Variants in ATP9A observed in about 807,000 individuals in gnomAD.
ATP9A encodes probable phospholipid-transporting ATPase IIA.
Under a neutral mutation model 144.1 loss-of-function variants are expected in ATP9A, and 52 were observed. That is an observed-to-expected ratio of 0.36 (90% CI 0.29 to 0.45). The LOEUF is 0.45. Among genes scored for constraint, ATP9A ranks in the 20% least tolerant of loss-of-function variants. The probability of loss-of-function intolerance (pLI) is 1.00; values close to 1 mark genes in which losing one functional copy is unlikely to be tolerated. For missense variants in ATP9A, 947 were observed against 1,392.7 expected, an observed-to-expected ratio of 0.68 and a Z score of 5.09; for synonymous variants, 582 against 557.4, an observed-to-expected ratio of 1.04 and a Z score of -0.62.
intron 6 of ATP9A, 61 bp from the exon 7 acceptor site, chr20:51,694,163 G>A (rs1023706580): frequency 1.4e-6 from 2 of 1,401,084 alleles, no homozygotes; most frequent in African/African-American, 2.8e-5. Flanking sequence ...TGGCAGCTCT[G>A]GGCAGCGTCT....
At chr20:51,657,916 C>A (rs553880989) in intron 13 of ATP9A, among the ~76,000 whole-genome samples, 1 of 152,320 alleles carries the variant, frequency 6.6e-6, no homozygotes, top group African/African-American at 2.4e-5. Flanking sequence ...TGACTTTAGA[C>A]CCCAGCTCTT....
intron 1 of ATP9A, among the ~76,000 whole-genome samples, chr20:51,746,957 G>C (rs923860540): frequency 6.3e-4 from 58 of 91,404 alleles, no homozygotes; most frequent in Middle Eastern, 0.011. Flanking sequence ...AGTGAGCCGA[G>C]GTAGTGCCAT....
chr20:51,743,396 ATTT>A (rs769952209), intron 1 of ATP9A, among the ~76,000 whole-genome samples: 2 of 89,856 alleles, frequency 2.2e-5, no homozygotes, highest in Non-Finnish European at 4.0e-5. Flanking sequence ...ACCGAAACTG[ATTT>A]TTTTTTTTTT....
chr20:51,627,645 C>G lies in ATP9A; in HGVS notation c.1800G>C (p.Val600=), dbSNP rs773565119. The change falls in exon 17 of 28, where the codon GTG becomes GTC. Residue 600 remains valine, a synonymous_variant. Transcript: ENST00000338821. ...CCTCTGCAAGAGACTTCTTTGCCAC[C>G]ACGAGCACCCGCAGCCCTTCTCGGG... The part of the protein sequence containing the change: ...NMAREGLRVL[V]VAKKSLAEEQ... 6.2e-7 allele frequency: 1 copy of G among 1,614,220 alleles called. No homozygotes were observed. Among genetic ancestry groups the G allele is most frequent in the Non-Finnish European group, 8.5e-7 (1 of 1,180,036 alleles).
intron 1 of ATP9A, among the ~76,000 whole-genome samples, chr20:51,754,687 A>G (rs1228571036): frequency 6.6e-6 from 1 of 151,958 alleles, no homozygotes; most frequent in Non-Finnish European, 1.5e-5. Context: ...ATGGTGGTGC[A>G]TGCCTGTAAT....
chr20:51,604,891 C>G lies in ATP9A; in HGVS notation c.2933G>C (p.Trp978Ser). 6.2e-7 allele frequency: 1 copy of G among 1,608,130 alleles called. No homozygotes were observed. Among genetic ancestry groups the G allele is most frequent in the Non-Finnish European group, 8.5e-7 (1 of 1,177,040 alleles). The change falls in exon 27 of 28, where the codon TGG becomes TCG. Residue 978 changes from tryptophan to serine, a missense_variant. Around this residue, in one of 2 missense-constraint regions of ATP9A, gnomAD observed 177 missense variants for 344.9 expected, o/e 0.51. Transcript: ENST00000338821. ...GAGCAGCTCCGCCACTGTCATGAGC[C>G]AGTGCCAGGTCTGGATGGTCAGCGC... Reference protein sequence around the residue: ...MVALTIQTWHWLMTVAELLSL... With the variant: ...MVALTIQTWHSLMTVAELLSL...
At chr20:51,645,501 G>A (rs1033366358) in intron 14 of ATP9A, among the ~76,000 whole-genome samples, 5 of 151,586 alleles carry the variant, frequency 3.3e-5, no homozygotes, top group Admixed American at 2.6e-4. Context: ...GTGAGACTCC[G>A]TCTCAAAACA....
At chr20:51,660,982 C>T (rs111970170) in intron 13 of ATP9A, among the ~76,000 whole-genome samples, 3,431 of 152,308 alleles carry the variant, frequency 0.023, 135 homozygotes, top group African/African-American at 0.077. Flanking sequence ...CAGCTCCACA[C>T]GAGGTCAGAA....
intron 14 of ATP9A, among the ~76,000 whole-genome samples, chr20:51,656,199 T>C (rs2077386095): frequency 7.0e-6 from 1 of 143,100 alleles, no homozygotes; most frequent in African/African-American, 2.6e-5. Flanking sequence ...AATATCCTAA[T>C]TTGATTGTGA....
Position 51,690,802 on chromosome 20 carries a change from T to A in ATP9A, c.660A>T (p.Arg220=). ...TTGGCTCTTCTGCGTACACATACGATCGAATCTGAAGAAGGTCCTGTTCAA... is the reference window on the plus strand; with the variant it reads ...TTGGCTCTTCTGCGTACACATACGAACGAATCTGAAGAAGGTCCTGTTCAA... The part of the protein sequence containing the change: ...LPTAADLLQI[R]SYVYAEEPNI... The change falls in exon 8 of 28, where the codon CGA becomes CGT. Residue 220 remains arginine (R), a synonymous_variant. Transcript: ENST00000338821. The A allele has an allele frequency of 1.2e-6, 2 of 1,614,066 alleles. No homozygotes were observed. Among genetic ancestry groups the A allele is most frequent in the Non-Finnish European group, 1.7e-6 (2 of 1,180,006 alleles).
intron 13 of ATP9A, among the ~76,000 whole-genome samples, chr20:51,659,344 T>G (rs2077401973): frequency 6.6e-6 from 1 of 152,236 alleles, no homozygotes; most frequent in Admixed American, 6.5e-5. Flanking sequence ...AGTGAGTTAC[T>G]CATCACTGTA....
intron 15 of ATP9A, among the ~76,000 whole-genome samples, chr20:51,630,063 C>T (rs764954607): frequency 6.6e-6 from 1 of 152,322 alleles, no homozygotes; most frequent in East Asian, 1.9e-4. Context: ...GGTGTCACAA[C>T]GCAGGCAATG....
chr20:51,640,660 G>A (rs1568798405), intron 14 of ATP9A, among the ~76,000 whole-genome samples: 1 of 152,184 alleles, frequency 6.6e-6, no homozygotes, highest in Non-Finnish European at 1.5e-5. Flanking sequence ...ACCTTCTCAT[G>A]GCCTCAGCCA....
At chr20:51,694,277 C>T (rs1486062185) in intron 6 of ATP9A, among the ~76,000 whole-genome samples, 175 bp from the exon 7 acceptor site, 1 of 152,192 alleles carries the variant, frequency 6.6e-6, no homozygotes. Context: ...GGTCAAAAAG[C>T]TCAGAGTTCA....
intron 14 of ATP9A, among the ~76,000 whole-genome samples, chr20:51,642,627 G>A (rs1485176593): frequency 1.3e-5 from 2 of 148,150 alleles, no homozygotes; most frequent in African/African-American, 2.5e-5. Flanking sequence ...TGGAGAGGCT[G>A]AGATGGGAAG....
intron 14 of ATP9A, among the ~76,000 whole-genome samples, chr20:51,656,549 T>C (rs760209655): frequency 2.6e-5 from 4 of 152,014 alleles, no homozygotes; most frequent in Non-Finnish European, 5.9e-5. Flanking sequence ...TGAGACTGTA[T>C]CTCGGGGAAA....
chr20:51,720,195 G>A (rs556755637), intron 3 of ATP9A, among the ~76,000 whole-genome samples: 1 of 152,308 alleles, frequency 6.6e-6, no homozygotes, highest in East Asian at 1.9e-4. Flanking sequence ...TATATTTCTT[G>A]AGTCATGTGA....
intron 1 of ATP9A, among the ~76,000 whole-genome samples, chr20:51,744,849 G>A (rs533482929): frequency 5.9e-5 from 9 of 152,234 alleles, no homozygotes; most frequent in South Asian, 2.1e-4. Flanking sequence ...ATTAAAAGTA[G>A]CCAGATATGG....
intron 4 of ATP9A, among the ~76,000 whole-genome samples, chr20:51,710,414 T>A (rs2077632911): frequency 6.6e-6 from 1 of 152,172 alleles, no homozygotes; most frequent in Non-Finnish European, 1.5e-5. Context: ...GATGGTGAAG[T>A]TTTTGCTCAA....
Sources: allele counts gnomAD v4.1 joint callset (sites outside exome capture counted in the v4.1 genomes callset), GRCh38; gene constraint gnomAD v4.1.1; regional missense constraint gnomAD v4.1.1; transcripts MANE v1.5; gene names NCBI Gene and HGNC (gene_info 2026-07-23, HGNC 2026-07-21).